The following ZNF541 variants were observed in gnomAD, a reference collection of about 807,000 sequenced individuals.
ZNF541 encodes the protein zinc finger protein 541.
Under a neutral mutation model 123.5 loss-of-function variants are expected in ZNF541, and 23 were observed. The observed-to-expected ratio is 0.19, with a 90% CI of 0.13 to 0.26. The LOEUF (loss-of-function observed/expected upper bound fraction) is 0.26. Among genes scored for constraint, ZNF541 ranks in the 10% least tolerant of loss-of-function variants. The pLI is 1.00. For missense variants in ZNF541, 1,612 were observed against 1,789.9 expected, an observed-to-expected ratio of 0.90 and a Z score of 1.79; for synonymous variants, 751 against 754.5, an observed-to-expected ratio of 1.00 and a Z score of 0.08.
At chr19:47,553,407 TC>T (rs762749978) in intron 3 of ZNF541, among the ~76,000 whole-genome samples, 4 of 144,314 alleles carry the variant, frequency 2.8e-5, no homozygotes, top group East Asian at 2.0e-4. Flanking sequence ...CCAGGCTAAT[TC>T]TTTTTTTTTT....
intron 2 of ZNF541, among the ~76,000 whole-genome samples, chr19:47,565,877 T>C (rs554225003): frequency 7.2e-5 from 11 of 152,258 alleles, no homozygotes; most frequent in Middle Eastern, 3.4e-3. Flanking sequence ...ATTTTTTTTC[T>C]TTTAAAAAAA....
intron 3 of ZNF541, among the ~76,000 whole-genome samples, chr19:47,552,970 G>A (rs559384860): frequency 8.0e-5 from 12 of 150,894 alleles, no homozygotes; most frequent in African/African-American, 2.9e-4. Context: ...TTAGCTGGGC[G>A]TGGTGGGGGA....
chr19:47,538,961 G>C (rs1196894942), intron 8 of ZNF541, among the ~76,000 whole-genome samples: 1 of 152,004 alleles, frequency 6.6e-6, no homozygotes, highest in Non-Finnish European at 1.5e-5. Context: ...TCTCCTCTCC[G>C]CTCTGCCAGC....
In ZNF541 at chr19:47,540,903, C is replaced by A; in HGVS notation, c.2452G>T (p.Ala818Ser). ...LPHPVKEENV[A>S]GRGNQQNGSP... ...GGCTTCTTAACTTACCCTCTGCCTG[C>A]CACATTCTCTTCCTTCACCGGATGG... is the stretch of plus-strand genomic sequence containing the variant. Residue 818 changes from alanine to serine, a missense_variant, in exon 6 of 17, where the codon GCA (alanine) becomes TCA (serine). Ala to Ser is a moderately conservative substitution (Grantham distance 99, BLOSUM62 1). Coordinates refer to ENST00000391901, the MANE Select transcript of ZNF541 (RefSeq NM_001277075.3). 6.4e-7 allele frequency: 1 copy of A among 1,551,180 alleles called. No individual in the cohort carries two copies. The highest frequency in any genetic ancestry group is 8.7e-7 in the Non-Finnish European group (1 of 1,146,834).
In ZNF541 at chr19:47,545,011, G is replaced by A; in HGVS notation, c.1518C>T (p.Val506=). The change falls in exon 5 of 17, where the codon GTC becomes GTT. Residue 506 remains valine (V), a synonymous_variant. Transcript: ENST00000391901. The surrounding 1 kb of genome is among the most constrained non-coding windows in gnomAD (Gnocchi z 7.5). ...TCTGGCACAGGAAGGAGTCGCAGTC[G>A]ACCTTGACCTTCTTGGGGGCGCAGG... is the stretch of plus-strand genomic sequence containing the variant. ...DDPCAPKKVK[V]DCDSFLCQNP... The A allele has an allele frequency of 6.6e-7, 1 of 1,510,252 alleles. No individual in the cohort carries two copies. The highest frequency in any genetic ancestry group is 8.8e-7 in the Non-Finnish European group (1 of 1,134,498). 93.6% of individuals were successfully genotyped at this position (1,510,252 alleles called of 1,614,324 possible). A position where few individuals can be genotyped will look rare whatever the true frequency, so the allele number is the denominator to read the frequency against.
chr19:47,522,015 G>C, intron 14 of ZNF541, 21 bp from the exon 15 acceptor site: 1 of 1,550,246 alleles, frequency 6.5e-7, no homozygotes, highest in South Asian at 1.2e-5. Context: ...AAAACAAGCA[G>C]GCTGTGGCTG....
chr19:47,538,225 C>T lies in ZNF541; in HGVS notation c.3011G>A (p.Arg1004Gln), dbSNP rs1248049291. 2.6e-6 allele frequency: 4 copies of T among 1,551,606 alleles called. No individual in the cohort carries two copies. The highest frequency in any genetic ancestry group is 2.6e-6 in the Non-Finnish European group (3 of 1,146,976). ...GTTGAAGTACACCCCAGAGCCCTCCCGGATGGGGCTGAGCATTGGGGGTGG... is the reference window on the plus strand; with the variant it reads ...GTTGAAGTACACCCCAGAGCCCTCCTGGATGGGGCTGAGCATTGGGGGTGG... Reference protein sequence around the residue: ...YTPPPMLSPIREGSGVYFNTL... With the variant: ...YTPPPMLSPIQEGSGVYFNTL... The change falls in exon 9 of 17, where the codon CGG becomes CAG. Residue 1004 changes from arginine (R) to glutamine (Q), a missense_variant. Physicochemically the swap from Arg to Gln is conservative, Grantham distance 43. This residue lies in a region of ZNF541 where 285 missense variants were observed against 407.3 expected (regional missense o/e 0.70). Coordinates refer to ENST00000391901, the MANE Select transcript of ZNF541 (RefSeq NM_001277075.3).
intron 2 of ZNF541, among the ~76,000 whole-genome samples, chr19:47,557,452 C>T (rs549234389): frequency 6.6e-6 from 1 of 152,204 alleles, no homozygotes; most frequent in Admixed American, 6.5e-5. Flanking sequence ...GCAAACTTCT[C>T]AACAGAAACA....
At position 47,538,337 on chromosome 19, in the gene ZNF541, C is replaced by T. The variant is rs1969921124; in HGVS notation, c.2899G>A (p.Ala967Thr). The change falls in exon 9 of 17, where the codon GCA (alanine) becomes ACA (threonine). Residue 967 changes from alanine (A) to threonine (T), a missense_variant. Physicochemically the swap from Ala to Thr is moderately conservative, Grantham distance 58. Coordinates refer to ENST00000391901, the MANE Select transcript of ZNF541 (RefSeq NM_001277075.3). ...CGCAGGCGGCTCTGGTGGCATCCTGCAGGGCCAGGCTCCCCAGCCGTGGAG... is the reference window on the plus strand; with the variant it reads ...CGCAGGCGGCTCTGGTGGCATCCTGTAGGGCCAGGCTCCCCAGCCGTGGAG... ...PPSTAGEPGP[A>T]GCHQSRLRSP... The T allele has an allele frequency of 6.5e-7, 1 of 1,542,188 alleles. No homozygotes were observed. The highest frequency in any genetic ancestry group is 8.8e-7 in the Non-Finnish European group (1 of 1,141,440).
chr19:47,546,909 G>A (rs555137328), intron 4 of ZNF541, among the ~76,000 whole-genome samples: 130 of 152,158 alleles, frequency 8.5e-4, no homozygotes, highest in African/African-American at 2.7e-3. Flanking sequence ...TAGTAGAGAC[G>A]GGGTTTTGCC....
chr19:47,540,227 C>T lies in ZNF541; in HGVS notation c.2571G>A (p.Met857Ile). 1.9e-6 allele frequency: 3 copies of T among 1,551,724 alleles called. No homozygotes were observed. The highest frequency in any genetic ancestry group is 2.6e-6 in the Non-Finnish European group (3 of 1,147,018). ...FYTEKGLSSHMCFHSDQWPSP... is the reference protein window; with the variant it reads ...FYTEKGLSSHICFHSDQWPSP... Reference sequence around the variant, plus strand: ...ACGGCCACTGGTCGCTGTGAAAACACATGTGGCTGCTCAGCCCTTTCTCCG... The same window carrying T: ...ACGGCCACTGGTCGCTGTGAAAACATATGTGGCTGCTCAGCCCTTTCTCCG... Residue 857 changes from methionine to isoleucine, a missense_variant, in exon 7 of 17, where the codon ATG becomes ATA. This residue lies in a region of ZNF541 where 1,080 missense variants were observed against 1,013.8 expected (regional missense o/e 1.07). Coordinates refer to ENST00000391901, the MANE Select transcript of ZNF541 (RefSeq NM_001277075.3).
At chr19:47,540,688 C>G (rs1038540886) in intron 6 of ZNF541, among the ~76,000 whole-genome samples, 1 of 152,226 alleles carries the variant, frequency 6.6e-6, no homozygotes, top group Admixed American at 6.5e-5. Context: ...GATCCCCCTG[C>G]CTCAGCCTCC....
intron 14 of ZNF541, among the ~76,000 whole-genome samples, chr19:47,522,744 CTTTT>C (rs35868495): frequency 6.2e-5 from 7 of 112,442 alleles, no homozygotes; most frequent in African/African-American, 1.1e-4. Context: ...TGCAGTGAGC[CTTTT>C]TTTTTTTTTT....
At chr19:47,525,101 A>T (rs1969223129) in intron 14 of ZNF541, among the ~76,000 whole-genome samples, 1 of 151,996 alleles carries the variant, frequency 6.6e-6, no homozygotes, top group Admixed American at 6.6e-5. Flanking sequence ...CCTGGCCAAC[A>T]TGGTGAAACC....
At position 47,545,642 on chromosome 19, in the gene ZNF541, C is replaced by T; in HGVS notation, c.887G>A (p.Gly296Glu). The change falls in exon 5 of 17, where the codon GGG becomes GAG. Residue 296 changes from glycine to glutamate, a missense_variant. Transcript: ENST00000391901. The surrounding 1 kb of genome is among the most constrained non-coding windows in gnomAD (Gnocchi z 7.5). ...KTPSPGPAPA[G>E]ASDSEGRNTA... is the part of the protein sequence containing the mutation. ...GTTCCTCCCTTCGCTGTCTGAAGCCCCCGCCGGGGCTGGGCCAGGAGAAGG... is the reference window on the plus strand; with the variant it reads ...GTTCCTCCCTTCGCTGTCTGAAGCCTCCGCCGGGGCTGGGCCAGGAGAAGG... 1.3e-6 allele frequency: 2 copies of T among 1,549,502 alleles called. No individual in the cohort carries two copies. Among genetic ancestry groups the T allele is most frequent in the Non-Finnish European group, 1.7e-6 (2 of 1,146,550 alleles).
At chr19:47,533,242 G>A (rs767400138) in intron 9 of ZNF541, among the ~76,000 whole-genome samples, 70 of 151,504 alleles carry the variant, frequency 4.6e-4, no homozygotes, top group Admixed American at 4.6e-3. Flanking sequence ...CGTGGTAGTG[G>A]GTGCCTGTAG....
chr19:47,533,030 C>T, intron 9 of ZNF541, 58 bp from the exon 10 acceptor site: 1 of 1,485,604 alleles, frequency 6.7e-7, no homozygotes, highest in Non-Finnish European at 9.1e-7. Context: ...CCGACAGGGT[C>T]CTCTGCCTGC....
At position 47,539,791 on chromosome 19, in the gene ZNF541, A is replaced by G. The variant is rs1969997727; in HGVS notation, c.2710T>C (p.Leu904=). The change falls in exon 8 of 17, where the codon TTG becomes CTG. Residue 904 remains leucine, a synonymous_variant. Transcript: ENST00000391901. ...RHSPPGTKKP[L]DPTAAAPLVV... is the part of the protein sequence containing the mutation. ...AAAGGGGCTGCAGCTGTGGGGTCCA[A>G]GGGCTTCTTGGTTCCTGGGGGACTA... 4 of 1,485,554 alleles carry G rather than the reference A, an allele frequency of 2.7e-6. No individual in the cohort carries two copies. The highest frequency in any genetic ancestry group is 1.8e-6 in the Non-Finnish European group (2 of 1,126,104). 92.0% of individuals were successfully genotyped at this position (1,485,554 alleles called of 1,614,324 possible). A position where few individuals can be genotyped will look rare whatever the true frequency, so the allele number is the denominator to read the frequency against.
intron 8 of ZNF541, 92 bp downstream of exon 8, chr19:47,539,613 A>AT: frequency 2.3e-6 from 3 of 1,319,872 alleles, no homozygotes; most frequent in Non-Finnish European, 2.9e-6. Flanking sequence ...GGAGTCAAAG[A>AT]TTTTCTGTGG....
Sources: allele counts gnomAD v4.1 joint callset (sites outside exome capture counted in the v4.1 genomes callset), GRCh38; gene constraint gnomAD v4.1.1; regional missense constraint gnomAD v4.1.1; non-coding constraint Gnocchi (gnomAD v3.1); transcripts MANE v1.5; gene names NCBI Gene and HGNC (gene_info 2026-07-23, HGNC 2026-07-21).